Variants in RANBP17 observed in about 807,000 individuals in gnomAD.
RANBP17 encodes the protein ran-binding protein 17.
RANBP17 carries 158 observed loss-of-function variants against 141.2 expected under a neutral mutation model. That is an observed-to-expected ratio of 1.12 (90% CI 0.98 to 1.28). The LOEUF is 1.28. Among genes scored for constraint, RANBP17 ranks in the 50% most tolerant of loss-of-function variants. RANBP17 has a pLI of 0.00. For synonymous variants in RANBP17, 430 were observed against 450.0 expected, an observed-to-expected ratio of 0.96 and a Z score of 0.56; for missense variants, 1,438 against 1,290.7, an observed-to-expected ratio of 1.11 and a Z score of -1.75.
At chr5:171,186,673 A>G (rs1204859241) in intron 18 of RANBP17, among the ~76,000 whole-genome samples, 6 of 146,810 alleles carry the variant, frequency 4.1e-5, no homozygotes, top group Non-Finnish European at 6.0e-5. Flanking sequence ...AGTAGCTGGG[A>G]CTACAGGCGC....
intron 14 of RANBP17, among the ~76,000 whole-genome samples, chr5:171,145,372 C>T (rs934089445): frequency 3.9e-5 from 6 of 152,108 alleles, no homozygotes; most frequent in Non-Finnish European, 7.4e-5. Context: ...ATCTGTATTA[C>T]ACTTTCTCCT....
intron 12 of RANBP17, among the ~76,000 whole-genome samples, chr5:170,931,600 G>A (rs1773387778): frequency 6.6e-6 from 1 of 152,150 alleles, no homozygotes; most frequent in Non-Finnish European, 1.5e-5. Flanking sequence ...TGTAAGGAAG[G>A]GATCCAGTTT....
intron 21 of RANBP17, among the ~76,000 whole-genome samples, chr5:171,220,018 C>T (rs1375961959): frequency 1.3e-5 from 2 of 152,096 alleles, no homozygotes; most frequent in Admixed American, 1.3e-4. Flanking sequence ...GGTTTTTCCT[C>T]ATCTTCGTGT....
At chr5:171,216,451 A>G (rs971608263) in intron 21 of RANBP17, among the ~76,000 whole-genome samples, 9 of 152,214 alleles carry the variant, frequency 5.9e-5, no homozygotes, top group African/African-American at 2.2e-4. Flanking sequence ...AGATACTGGT[A>G]GCTTGATGGG....
intron 7 of RANBP17, among the ~76,000 whole-genome samples, chr5:170,912,246 T>C (rs1381741219): frequency 6.6e-6 from 1 of 151,944 alleles, no homozygotes; most frequent in Non-Finnish European, 1.5e-5. Context: ...AACACACATC[T>C]ACACACACAT....
At chr5:171,129,797 G>T (rs549177571) in intron 14 of RANBP17, among the ~76,000 whole-genome samples, 7 of 152,312 alleles carry the variant, frequency 4.6e-5, no homozygotes, top group Admixed American at 3.3e-4. Flanking sequence ...CCCAGGTCCA[G>T]TTCCACCCTC....
chr5:170,953,237 T>G (rs1775343733), intron 12 of RANBP17, among the ~76,000 whole-genome samples: 1 of 152,096 alleles, frequency 6.6e-6, no homozygotes, highest in African/African-American at 2.4e-5. Flanking sequence ...CTAGACAGTT[T>G]AGTGTTTTGT....
intron 5 of RANBP17, among the ~76,000 whole-genome samples, chr5:170,900,953 T>C (rs1482157251): frequency 6.6e-6 from 1 of 152,162 alleles, no homozygotes. Context: ...TTAGAATAAG[T>C]GCGATGTGGT....
intron 14 of RANBP17, among the ~76,000 whole-genome samples, chr5:170,972,745 T>TC (rs1470899799): frequency 6.6e-6 from 1 of 152,176 alleles, no homozygotes; most frequent in African/African-American, 2.4e-5. Flanking sequence ...AAAATGTACA[T>TC]ATCTTAAGCT....
chr5:171,039,218 C>G (rs1413513728), intron 14 of RANBP17, among the ~76,000 whole-genome samples: 1 of 145,030 alleles, frequency 6.9e-6, no homozygotes, highest in African/African-American at 2.6e-5. Context: ...TCCTTTTTCT[C>G]TATAGCCTTG....
chr5:171,144,660 C>A (rs901154054), intron 14 of RANBP17, among the ~76,000 whole-genome samples: 1 of 152,140 alleles, frequency 6.6e-6, no homozygotes, highest in East Asian at 1.9e-4. Context: ...ATGGTCTCTG[C>A]CTGCCACAAC....
chr5:171,264,839 G>C (rs1378260926), intron 24 of RANBP17, among the ~76,000 whole-genome samples: 1 of 152,172 alleles, frequency 6.6e-6, no homozygotes, highest in Non-Finnish European at 1.5e-5. Flanking sequence ...CTGTTGCCTT[G>C]TGCTAATCCC....
chr5:170,903,851 C>T (rs1479441470), intron 5 of RANBP17: 3 of 458,520 alleles, frequency 6.5e-6, no homozygotes. Flanking sequence ...ACCTAACAAG[C>T]TCCGCAAGAT....
chr5:171,077,163 C>G (rs1316128621), intron 14 of RANBP17, among the ~76,000 whole-genome samples: 1 of 152,008 alleles, frequency 6.6e-6, no homozygotes, highest in African/African-American at 2.4e-5. Context: ...CACGGTGAAA[C>G]CCCGTCTCTA....
chr5:171,215,375 G>C (rs979297424), intron 21 of RANBP17, among the ~76,000 whole-genome samples: 1 of 152,150 alleles, frequency 6.6e-6, no homozygotes, highest in African/African-American at 2.4e-5. Flanking sequence ...ACATGTGCAT[G>C]TATGTTTACA....
At chr5:171,248,465 G>A (rs1235570792) in intron 24 of RANBP17, among the ~76,000 whole-genome samples, 1 of 152,124 alleles carries the variant, frequency 6.6e-6, no homozygotes, top group African/African-American at 2.4e-5. Context: ...AAAGCCCAGA[G>A]GGGCTCAGTA....
chr5:170,967,133 A>G (rs927349696), intron 13 of RANBP17, among the ~76,000 whole-genome samples: 4 of 152,096 alleles, frequency 2.6e-5, no homozygotes, highest in Admixed American at 6.6e-5. Context: ...CTTATGTCTG[A>G]TGTGTAAAGA....
chr5:171,053,878 CAT>C (rs58623197), intron 14 of RANBP17, among the ~76,000 whole-genome samples: 1,082 of 17,066 alleles, frequency 0.063, 14 homozygotes, highest in East Asian at 0.11. Context: ...GTGTTTAGTT[CAT>C]ATATATATAT....
chr5:171,298,735 C>G (rs1768979673), intron 27 of RANBP17, 27 bp from the exon 28 acceptor site: 1 of 1,581,738 alleles, frequency 6.3e-7, no homozygotes, highest in Non-Finnish European at 8.7e-7. Context: ...CATTACTACC[C>G]TTGACCCTTT....
Sources: gnomAD v4.1 joint callset for allele counts (sites outside exome capture counted in the v4.1 genomes callset) on GRCh38, gnomAD v4.1.1 for gene constraint, MANE v1.5 for transcripts, NCBI Gene and HGNC (gene_info 2026-07-23, HGNC 2026-07-21) for gene names.